Variants in INPPL1 observed in about 807,000 individuals in gnomAD.
The protein encoded by INPPL1 is phosphatidylinositol 3,4,5-trisphosphate 5-phosphatase 2.
In INPPL1, 91 loss-of-function variants were observed where a neutral mutation model predicts 139.3. The observed-to-expected ratio is 0.65, with a 90% CI of 0.55 to 0.78. The LOEUF (loss-of-function observed/expected upper bound fraction) is 0.78. INPPL1 is among the 30% of genes least tolerant of loss of function. The probability of loss-of-function intolerance (pLI) is 0.00; values close to 1 mark genes in which losing one functional copy is unlikely to be tolerated. For missense variants in INPPL1, 1,411 were observed against 1,665.6 expected, an observed-to-expected ratio of 0.85 and a Z score of 2.66; for synonymous variants, 719 against 686.6, an observed-to-expected ratio of 1.05 and a Z score of -0.74.
Position 72,229,501 on chromosome 11 carries a change from G to A in INPPL1, c.696G>A (p.Leu232=). 6.2e-7 allele frequency: 1 copy of A among 1,614,178 alleles called. No individual in the cohort carries two copies. The highest frequency in any genetic ancestry group is 8.5e-7 in the Non-Finnish European group (1 of 1,180,022). ...AGGTCCTGTCAGGCCTGGAGATCCT[G>A]TCCAAGGTGTTTGACCAGCAGAGCT... ...VDKVLSGLEI[L]SKVFDQQSSP... is the part of the protein sequence containing the mutation. Residue 232 remains leucine (L), a synonymous_variant, in exon 6 of 28, where the codon CTG becomes CTA. Transcript: ENST00000298229.
chr11:72,225,396 G>C (rs549960240), intron 1 of INPPL1: 2 of 985,346 alleles, frequency 2.0e-6, no homozygotes, highest in Non-Finnish European at 1.2e-6. Flanking sequence ...AGAATATGGG[G>C]TTCTGTGGCC....
Position 72,234,436 on chromosome 11 carries a change from G to A in INPPL1, c.2326+42G>A. The stretch of plus-strand genomic sequence containing the variant: ...GGGCTGGGTGTGGGCCAAGGAGGAT[G>A]GGAGGCAAGAGGGTGCAGTCAGCCC... On this transcript the variant is annotated intron_variant, in intron 20 of 27. Coordinates refer to ENST00000298229, the MANE Select transcript of INPPL1 (RefSeq NM_001567.4). This position sits in a 1 kb window ranked among gnomAD's most constrained non-coding sequence, Gnocchi z 4.2. 1.3e-6 allele frequency: 2 copies of A among 1,598,100 alleles called. No individual in the cohort carries two copies. Among genetic ancestry groups the A allele is most frequent in the South Asian group, 2.2e-5 (2 of 90,788 alleles).
chr11:72,230,505 G>A, intron 10 of INPPL1, 37 bp downstream of exon 10: 6 of 1,576,736 alleles, frequency 3.8e-6, no homozygotes, highest in South Asian at 1.1e-5. Context: ...TGGGGACTGC[G>A]GGGGTCCCCC....
chr11:72,232,095 T>TG (rs1162232365), intron 13 of INPPL1, 145 bp from the exon 14 acceptor site: 3 of 667,354 alleles, frequency 4.5e-6, no homozygotes, highest in Admixed American at 5.1e-5. Flanking sequence ...AGGGAAGGTG[T>TG]GGGTGTGTGC....
Position 72,230,440 on chromosome 11 carries a change from G to A in INPPL1, c.1169G>A (p.Arg390His), listed in dbSNP as rs762820798. ...GAGAAGGAGAAGGACCGGACTCAGC[G>A]CAAGGACTTCATCTTTGTCAGTGCC... ...VFEKEKDRTQ[R>H]KDFIFVSARK... Residue 390 changes from arginine (R) to histidine (H), a missense_variant, in exon 10 of 28, where the codon CGC (arginine) becomes CAC (histidine). Physicochemically the swap from Arg to His is conservative, Grantham distance 29. Transcript: ENST00000298229. 74 of 1,613,880 alleles carry A rather than the reference G, an allele frequency of 4.6e-5. No homozygotes were observed. The highest frequency in any genetic ancestry group is 5.5e-5 in the Non-Finnish European group (65 of 1,180,034).
At chr11:72,227,478 A>G (rs1328344284) in intron 1 of INPPL1, among the ~76,000 whole-genome samples, 1 of 152,114 alleles carries the variant, frequency 6.6e-6, no homozygotes, top group East Asian at 1.9e-4. Flanking sequence ...AGAGTCACCT[A>G]GGGTGACTCC....
intron 12 of INPPL1, 45 bp downstream of exon 12, chr11:72,231,234 C>T (rs1565389827): frequency 1.3e-6 from 2 of 1,546,910 alleles, no homozygotes. Context: ...TCACACACCA[C>T]CTCCAAACTA....
Position 72,235,416 on chromosome 11 carries a change from CCA to C in INPPL1, c.2626_2627del (p.Thr876GlyfsTer7). On this transcript the variant is annotated frameshift_variant, in exon 23 of 28. Transcript: ENST00000298229. LOFTEE classifies it high-confidence loss of function. This position sits in a 1 kb window ranked among gnomAD's most constrained non-coding sequence, Gnocchi z 4.9. ...AGAGGCTCCATGAAGGTGCGGGTGC[CCA>C]CGGAGCGCCTGGGCACCCGTGAGCG... The C allele has an allele frequency of 6.2e-7, 1 of 1,613,526 alleles. No individual in the cohort carries two copies. The highest frequency in any genetic ancestry group is 8.5e-7 in the Non-Finnish European group (1 of 1,179,982).
rs548465888 is a variant in INPPL1, at chr11:72,238,565, G to A, written c.*212G>A. Reference sequence around the variant, plus strand: ...CCTGCCCCTCGCCTTTTAGGCTCAGGACGGAAGGTCAGTTGCCATGGTTAC... The same window carrying A: ...CCTGCCCCTCGCCTTTTAGGCTCAGAACGGAAGGTCAGTTGCCATGGTTAC... On this transcript the variant is annotated 3_prime_UTR_variant, in exon 28 of 28. Transcript: ENST00000298229. The A allele has an allele frequency of 2.3e-6, 1 of 435,510 alleles. No individual in the cohort carries two copies. Among genetic ancestry groups the A allele is most frequent in the African/African-American group, 2.1e-5 (1 of 48,752 alleles). The allele number at this position is 435,510 out of a possible 1,614,324, so 27.0% of individuals were successfully genotyped here.
rs368076734 is a variant in INPPL1, at chr11:72,238,162, C to T, written c.3673C>T (p.Leu1225=). ...CCTGGTGCATAATGGCTGGGACGACCTGGAGTTTCTCAGGTGGGGGAGGGG... is the reference window on the plus strand; with the variant it reads ...CCTGGTGCATAATGGCTGGGACGACTTGGAGTTTCTCAGGTGGGGGAGGGG... ...EGLVHNGWDD[L]EFLSDITEED... Residue 1225 remains leucine (L), a synonymous_variant, in exon 27 of 28, where the codon CTG becomes TTG. Coordinates refer to ENST00000298229, the MANE Select transcript of INPPL1 (RefSeq NM_001567.4). 3.1e-6 allele frequency: 5 copies of T among 1,600,206 alleles called. No homozygotes were observed. Among genetic ancestry groups the T allele is most frequent in the Admixed American group, 3.4e-5 (2 of 58,028 alleles).
In INPPL1 at chr11:72,232,936, A is replaced by G; in HGVS notation, c.1913A>G (p.Asn638Ser). Residue 638 changes from asparagine (N) to serine (S), a missense_variant, in exon 16 of 28, where the codon AAC becomes AGC. Around this residue, in one of 5 missense-constraint regions of INPPL1, gnomAD observed 363 missense variants for 446.2 expected, o/e 0.81. Coordinates refer to ENST00000298229, the MANE Select transcript of INPPL1 (RefSeq NM_001567.4). ...CCCCTCCTCAGGGTGGACCAGCTCA[A>G]CCTGGAGCGGGAGAAGCACAAGGTC... ...FEPLLRVDQL[N>S]LEREKHKVFL... is the part of the protein sequence containing the mutation. 6.2e-7 allele frequency: 1 copy of G among 1,614,068 alleles called. No individual in the cohort carries two copies. The highest frequency in any genetic ancestry group is 1.3e-5 in the African/African-American group (1 of 74,998).
At chr11:72,232,109 G>GGCCT (rs1948852321) in intron 13 of INPPL1, 131 bp from the exon 14 acceptor site, 1 of 735,508 alleles carries the variant, frequency 1.4e-6, no homozygotes, top group Admixed American at 2.2e-5. Flanking sequence ...TGTGTGCAGG[G>GGCCT]GCCTGCCCAT....
chr11:72,229,915 T>A lies in INPPL1; in HGVS notation c.844-9T>A. 1.9e-6 allele frequency: 3 copies of A among 1,613,670 alleles called. No individual in the cohort carries two copies. The highest frequency in any genetic ancestry group is 2.5e-6 in the Non-Finnish European group (3 of 1,179,786). ...TCCCCTGACCCCGCCCTGCCCTTGT[T>A]CCCTCCAGGCCCTGAAGGCCCTACA... On this transcript the variant is annotated splice_polypyrimidine_tract_variant and intron_variant, in intron 7 of 27. Coordinates refer to ENST00000298229, the MANE Select transcript of INPPL1 (RefSeq NM_001567.4).
Position 72,235,412 on chromosome 11 carries a change from G to C in INPPL1, c.2620G>C (p.Val874Leu). 1 of 1,613,684 alleles carries C rather than the reference G, an allele frequency of 6.2e-7. No homozygotes were observed. Among genetic ancestry groups the C allele is most frequent in the Non-Finnish European group, 8.5e-7 (1 of 1,180,004 alleles). Residue 874 changes from valine (V) to leucine (L), a missense_variant, in exon 23 of 28, where the codon GTG becomes CTG. By Grantham distance (32) the Val-to-Leu change is conservative. Around this residue, in one of 5 missense-constraint regions of INPPL1, gnomAD observed 99 missense variants for 171.6 expected, o/e 0.58. Transcript: ENST00000298229. The surrounding 1 kb of genome is among the most constrained non-coding windows in gnomAD (Gnocchi z 4.9). ...GNIRGSMKVR[V>L]PTERLGTRER... The stretch of plus-strand genomic sequence containing the variant: ...TATCAGAGGCTCCATGAAGGTGCGG[G>C]TGCCCACGGAGCGCCTGGGCACCCG...
rs1043110434 is a variant in INPPL1 at position 72,238,474 on chromosome 11, G to C, written c.*121G>C. ...AGTATCTCTCTGCCTATTTATTGGG[G>C]TGCCTATTTATTGGGGATCTGCATT... On this transcript the variant is annotated 3_prime_UTR_variant, in exon 28 of 28. Coordinates refer to ENST00000298229, the MANE Select transcript of INPPL1 (RefSeq NM_001567.4). 3 of 761,372 alleles carry C rather than the reference G, an allele frequency of 3.9e-6. No homozygotes were observed. The African/African-American group carries it at 5.5e-5, about 14-fold the overall frequency. The allele number at this position is 761,372 out of a possible 1,614,324, so 47.2% of individuals were successfully genotyped here. A position where few individuals can be genotyped will look rare whatever the true frequency, so the allele number is the denominator to read the frequency against.
rs758159955 is a variant in INPPL1 at position 72,238,257 on chromosome 11, CCA to C, written c.3687-3_3687-2del. 50 of 1,613,434 alleles carry C rather than the reference CCA, an allele frequency of 3.1e-5. No homozygotes were observed. The highest frequency in any genetic ancestry group is 4.0e-5 in the Non-Finnish European group (47 of 1,179,684). ...ATCTCACTTCCCAGCCTGTTTTACT[CCA>C]CAGTGACATCACCGAGGAGGACTTG... On this transcript the variant is annotated splice_polypyrimidine_tract_variant and splice_region_variant and intron_variant, in intron 27 of 27. Transcript: ENST00000298229.
At position 72,224,868 on chromosome 11, in the gene INPPL1, C is replaced by A; in HGVS notation, c.-117C>A. 2.9e-6 allele frequency: 2 copies of A among 699,858 alleles called. No homozygotes were observed. Among genetic ancestry groups the A allele is most frequent in the Non-Finnish European group, 3.6e-6 (2 of 560,692 alleles). 43.4% of individuals were successfully genotyped at this position (699,858 alleles called of 1,614,324 possible). On this transcript the variant is annotated 5_prime_UTR_variant, in exon 1 of 28. Transcript: ENST00000298229. Reference sequence around the variant, plus strand: ...GCTGAGTCCCGATCCCCGGCTCTGTCCGGCCCACGGATCCTCAAGCCCGGG... The same window carrying A: ...GCTGAGTCCCGATCCCCGGCTCTGTACGGCCCACGGATCCTCAAGCCCGGG...
At position 72,228,573 on chromosome 11, in the gene INPPL1, C is replaced by T; in HGVS notation, c.397+75C>T. On this transcript the variant is annotated intron_variant, in intron 3 of 27. Transcript: ENST00000298229. This position sits in a 1 kb window ranked among gnomAD's most constrained non-coding sequence, Gnocchi z 5.0. ...CCTGCCTCTTCCCATCCCCCCTTCT[C>T]AACCCCACCTCTCCTGTAACCCCCT... 1.9e-6 allele frequency: 3 copies of T among 1,567,694 alleles called. No individual in the cohort carries two copies. The highest frequency in any genetic ancestry group is 1.3e-5 in the African/African-American group (1 of 74,372).
Position 72,234,369 on chromosome 11 carries a change from C to T in INPPL1, c.2301C>T (p.Ile767=), listed in dbSNP as rs753024181. 7.4e-6 allele frequency: 12 copies of T among 1,614,090 alleles called. No homozygotes were observed. The highest frequency in any genetic ancestry group is 3.3e-5 in the Admixed American group (2 of 60,026). The change falls in exon 20 of 28, where the codon ATC becomes ATT. Residue 767 remains isoleucine (I), a synonymous_variant. Transcript: ENST00000298229. The surrounding 1 kb of genome is among the most constrained non-coding windows in gnomAD (Gnocchi z 4.2). ...VKTASRTKFF[I]EFYSTCLEEY... ...CAGCCAGCCGCACCAAGTTCTTCAT[C>T]GAGTTCTACTCTACCTGCCTGGAGG...
Sources: gnomAD v4.1 joint callset for allele counts (sites outside exome capture counted in the v4.1 genomes callset) on GRCh38, gnomAD v4.1.1 for gene constraint, gnomAD v4.1.1 regional missense constraint, Gnocchi (gnomAD v3.1) non-coding constraint, MANE v1.5 for transcripts, NCBI Gene and HGNC (gene_info 2026-07-23, HGNC 2026-07-21) for gene names.